The following ADAMTS17 variants were observed in gnomAD, a reference collection of about 807,000 sequenced individuals.
The protein encoded by ADAMTS17 is ADAM metallopeptidase with thrombospondin type 1 motif 17.
A neutral mutation model predicts 141.5 loss-of-function variants in ADAMTS17; 113 were observed. The ratio of observed to expected loss-of-function variants is 0.80; its 90% CI spans 0.69 to 0.93. The LOEUF (loss-of-function observed/expected upper bound fraction) is 0.93. ADAMTS17 is among the 40% of genes least tolerant of loss of function. ADAMTS17 has a pLI of 0.00. For synonymous variants in ADAMTS17, 768 were observed against 630.6 expected (o/e 1.22, Z -3.27); for missense variants, 1,659 against 1,517.9 (o/e 1.09, Z -1.54).
chr15:100,226,478 T>A (rs982178533), intron 7 of ADAMTS17, among the ~76,000 whole-genome samples: 2 of 152,200 alleles, frequency 1.3e-5, no homozygotes, highest in African/African-American at 2.4e-5. Context: ...ACCATCCACA[T>A]CCAGACCACG....
At chr15:100,067,248 C>G (rs2033606268) in intron 15 of ADAMTS17, among the ~76,000 whole-genome samples, 1 of 151,562 alleles carries the variant, frequency 6.6e-6, no homozygotes, top group South Asian at 2.1e-4. Flanking sequence ...AAGTGTCGTT[C>G]CTTTCTAAGT....
At chr15:100,084,901 T>G (rs2034998506) in intron 15 of ADAMTS17, among the ~76,000 whole-genome samples, 1 of 152,076 alleles carries the variant, frequency 6.6e-6, no homozygotes, top group African/African-American at 2.4e-5. Flanking sequence ...GAAAAAACAG[T>G]GCAGAAAAAC....
At chr15:100,306,425 G>T (rs1049941877) in intron 3 of ADAMTS17, 5 of 454,098 alleles carry the variant, frequency 1.1e-5, no homozygotes, top group Non-Finnish European at 2.2e-5. Context: ...AGGTATGGAC[G>T]CCAAGCTGCA....
chr15:100,330,822 T>C (rs913627248), intron 3 of ADAMTS17, 67 bp downstream of exon 3: 10 of 1,590,448 alleles, frequency 6.3e-6, no homozygotes, highest in East Asian at 2.2e-5. Flanking sequence ...TCAGTGCACT[T>C]GGAGACACAC....
chr15:100,330,410 G>A (rs2046014897), intron 3 of ADAMTS17, among the ~76,000 whole-genome samples: 1 of 152,190 alleles, frequency 6.6e-6, no homozygotes, highest in Non-Finnish European at 1.5e-5. Context: ...AAATGTGCAT[G>A]TCTAACAAGT....
At chr15:100,261,914 C>T (rs1449200841) in intron 5 of ADAMTS17, among the ~76,000 whole-genome samples, 2 of 152,204 alleles carry the variant, frequency 1.3e-5, no homozygotes, top group Admixed American at 6.5e-5. Context: ...CCAAGCGATG[C>T]TCCCTCAGTC....
intron 8 of ADAMTS17, among the ~76,000 whole-genome samples, chr15:100,179,594 C>A (rs1417278537): frequency 6.6e-6 from 1 of 152,104 alleles, no homozygotes; most frequent in Non-Finnish European, 1.5e-5. Context: ...AAAAATAGTT[C>A]TATTTTTAGT....
At chr15:100,308,426 ATCCTCAGG>A (rs2045296526) in intron 3 of ADAMTS17, among the ~76,000 whole-genome samples, 1 of 152,190 alleles carries the variant, frequency 6.6e-6, no homozygotes, top group Non-Finnish European at 1.5e-5. Context: ...CGCTGGTAGA[ATCCTCAGG>A]CTTCCTGAGC....
intron 18 of ADAMTS17, among the ~76,000 whole-genome samples, chr15:100,036,025 A>G (rs866579239): frequency 2.0e-5 from 3 of 152,184 alleles, no homozygotes; most frequent in African/African-American, 7.2e-5. Flanking sequence ...CTCAGTTCCA[A>G]ACCCAACCAG....
At chr15:100,057,192 C>T (rs531866074) in intron 15 of ADAMTS17, among the ~76,000 whole-genome samples, 56 of 152,176 alleles carry the variant, frequency 3.7e-4, no homozygotes, top group African/African-American at 1.3e-3. Context: ...AAGTTTTTTC[C>T]ACTTTTCAGA....
intron 8 of ADAMTS17, among the ~76,000 whole-genome samples, chr15:100,185,251 C>G (rs2040669826): frequency 6.6e-6 from 1 of 152,150 alleles, no homozygotes; most frequent in Non-Finnish European, 1.5e-5. Flanking sequence ...AGGAATTACC[C>G]CATGGAGTAG....
chr15:100,101,458 C>T (rs2036094263), intron 14 of ADAMTS17, among the ~76,000 whole-genome samples: 2 of 152,190 alleles, frequency 1.3e-5, no homozygotes, highest in South Asian at 4.1e-4. Flanking sequence ...AACGAAATTC[C>T]ACCCTATGGG....
At chr15:100,019,177 T>G (rs1050900084) in intron 18 of ADAMTS17, among the ~76,000 whole-genome samples, 1 of 152,160 alleles carries the variant, frequency 6.6e-6, no homozygotes, top group Non-Finnish European at 1.5e-5. Context: ...CAGATGTACA[T>G]ACCCTAAGAG....
intron 7 of ADAMTS17, among the ~76,000 whole-genome samples, chr15:100,239,554 C>A (rs987564932): frequency 7.9e-5 from 12 of 152,282 alleles, no homozygotes; most frequent in African/African-American, 2.9e-4. Context: ...GAAGAGGCTA[C>A]CCTTTGTGGA....
intron 8 of ADAMTS17, among the ~76,000 whole-genome samples, chr15:100,156,727 G>A (rs546993897): frequency 1.3e-5 from 2 of 152,346 alleles, no homozygotes; most frequent in African/African-American, 4.8e-5. Flanking sequence ...CCAACTGGGT[G>A]TGGGCAAGAC....
At chr15:100,162,234 A>T (rs1008393208) in intron 8 of ADAMTS17, among the ~76,000 whole-genome samples, 5 of 151,888 alleles carry the variant, frequency 3.3e-5, no homozygotes, top group African/African-American at 1.2e-4. Context: ...TATACATGGG[A>T]TTTTGATGTA....
chr15:100,227,585 TG>T (rs1305452277), intron 7 of ADAMTS17, among the ~76,000 whole-genome samples: 1 of 152,220 alleles, frequency 6.6e-6, no homozygotes, highest in Non-Finnish European at 1.5e-5. Context: ...CATCGCTGGA[TG>T]GACAGATCTG....
At chr15:100,341,695 G>GC in intron 1 of ADAMTS17, 126 bp downstream of exon 1, 1 of 1,246,506 alleles carries the variant, frequency 8.0e-7, no homozygotes, top group East Asian at 3.1e-5. Context: ...CGCGGCCCGC[G>GC]CCTCCTCCGC....
At chr15:100,139,944 T>C (rs1215004714) in intron 10 of ADAMTS17, among the ~76,000 whole-genome samples, 4 of 152,168 alleles carry the variant, frequency 2.6e-5, no homozygotes, top group Non-Finnish European at 5.9e-5. Context: ...CCAAGCTTAA[T>C]TTCCTGGTTT....
Sources: gnomAD v4.1 joint callset for allele counts (sites outside exome capture counted in the v4.1 genomes callset) on GRCh38, gnomAD v4.1.1 for gene constraint, MANE v1.5 for transcripts, NCBI Gene and HGNC (gene_info 2026-07-23, HGNC 2026-07-21) for gene names.